ARHGEF26: variants seen among roughly 807,000 people sequenced by gnomAD.
ARHGEF26 encodes Rho guanine nucleotide exchange factor (GEF) 26.
In ARHGEF26, 59 loss-of-function variants were observed where a neutral mutation model predicts 89.4. The ratio of observed to expected loss-of-function variants is 0.66; its 90% CI spans 0.54 to 0.82. The LOEUF (loss-of-function observed/expected upper bound fraction) is 0.82. ARHGEF26 is among the 40% of genes least tolerant of loss of function. The pLI is 0.00. For missense variants in ARHGEF26, 1,234 were observed against 1,085.6 expected, an observed-to-expected ratio of 1.14 and a Z score of -1.92; for synonymous variants, 500 against 428.4, an observed-to-expected ratio of 1.17 and a Z score of -2.06.
At chr3:154,251,877 C>T (rs890413565) in intron 12 of ARHGEF26, among the ~76,000 whole-genome samples, 1 of 152,094 alleles carries the variant, frequency 6.6e-6, no homozygotes, top group Non-Finnish European at 1.5e-5. Context: ...ATGCCTGGCG[C>T]ATCTGTGTCT....
chr3:154,179,654 A>T (rs1385326990), intron 6 of ARHGEF26, among the ~76,000 whole-genome samples: 2 of 152,186 alleles, frequency 1.3e-5, no homozygotes, highest in African/African-American at 4.8e-5. Flanking sequence ...TAGTCACTGA[A>T]AGAATGGGTA....
rs757313682 is a variant in ARHGEF26, at chr3:154,122,877, G to A, written c.885G>A (p.Glu295=). The part of the protein sequence containing the change: ...LGGPLGHAGE[E]SEVDNDVDSP... The stretch of plus-strand genomic sequence containing the variant: ...GACCCCTGGGTCACGCAGGGGAGGA[G>A]AGTGAGGTCGATAACGACGTGGATA... The change falls in exon 2 of 15, where the codon GAG becomes GAA. Residue 295 remains glutamate (E), a synonymous_variant. Transcript: ENST00000465093. 2.5e-6 allele frequency: 4 copies of A among 1,612,958 alleles called. No individual in the cohort carries two copies. The South Asian group carries it at 4.4e-5, about 18-fold the overall frequency.
chr3:154,213,233 G>A (rs1417515684), intron 9 of ARHGEF26, among the ~76,000 whole-genome samples: 8 of 144,916 alleles, frequency 5.5e-5, no homozygotes, highest in Non-Finnish European at 1.2e-4. Flanking sequence ...GTGTGTGTGT[G>A]TGTGTGTGTA....
At chr3:154,144,852 A>T (rs577949589) in intron 4 of ARHGEF26, among the ~76,000 whole-genome samples, 2 of 152,326 alleles carry the variant, frequency 1.3e-5, no homozygotes, top group South Asian at 4.1e-4. Flanking sequence ...TTTTGAACAA[A>T]TTAATTTGGA....
Position 154,194,641 on chromosome 3 carries a change from C to G in ARHGEF26, c.1771-3C>G. On this transcript the variant is annotated splice_polypyrimidine_tract_variant and splice_region_variant and intron_variant, in intron 8 of 14. Coordinates refer to ENST00000465093, the MANE Select transcript of ARHGEF26 (RefSeq NM_015595.4). ...AATTTTGTTCACTTTTATTTCATTA[C>G]AGACTATCTGTCAAAAAACACCTAA... 3 of 1,606,376 alleles carry G rather than the reference C, an allele frequency of 1.9e-6. No individual in the cohort carries two copies. The highest frequency in any genetic ancestry group is 2.2e-5 in the East Asian group (1 of 44,742).
At chr3:154,167,008 G>A (rs1397944993) in intron 6 of ARHGEF26, among the ~76,000 whole-genome samples, 1 of 152,124 alleles carries the variant, frequency 6.6e-6, no homozygotes, top group Non-Finnish European at 1.5e-5. Context: ...AACAGCCAGA[G>A]TCTTAAGAAT....
At chr3:154,245,209 G>A (rs1235043249) in intron 12 of ARHGEF26, among the ~76,000 whole-genome samples, 1 of 151,994 alleles carries the variant, frequency 6.6e-6, no homozygotes, top group Non-Finnish European at 1.5e-5. Context: ...TTTATTGTTA[G>A]TAGAGACGGG....
intron 6 of ARHGEF26, among the ~76,000 whole-genome samples, chr3:154,168,974 G>A (rs1374356940): frequency 6.6e-6 from 1 of 151,104 alleles, no homozygotes; most frequent in Non-Finnish European, 1.5e-5. Flanking sequence ...ATAGTTCTAT[G>A]AAGACTGTAG....
chr3:154,207,260 C>G (rs1715079464), intron 9 of ARHGEF26, among the ~76,000 whole-genome samples: 1 of 152,098 alleles, frequency 6.6e-6, no homozygotes, highest in Non-Finnish European at 1.5e-5. Flanking sequence ...CAAATGAGAT[C>G]TAATTAAACT....
chr3:154,244,790 T>C (rs1717697560), intron 12 of ARHGEF26, among the ~76,000 whole-genome samples: 4 of 152,088 alleles, frequency 2.6e-5, no homozygotes, highest in African/African-American at 9.7e-5. Flanking sequence ...ATACAGGAAG[T>C]GAGTTATTGC....
intron 9 of ARHGEF26, among the ~76,000 whole-genome samples, chr3:154,210,784 A>C (rs866506099): frequency 6.6e-6 from 1 of 151,614 alleles, no homozygotes; most frequent in African/African-American, 2.4e-5. Flanking sequence ...TCTACTAAAA[A>C]TACAAAAAAT....
In ARHGEF26 at chr3:154,139,781, A is replaced by G. The variant is rs1173972979; in HGVS notation, c.1270-9608A>G. On this transcript the variant is annotated intron_variant, in intron 4 of 14. Transcript: ENST00000465093. Reference sequence around the variant, plus strand: ...TTGTGGATTTATCTGGAGCACATATAGCCTGTTAATTCTCTAGATTATTAG... The same window carrying G: ...TTGTGGATTTATCTGGAGCACATATGGCCTGTTAATTCTCTAGATTATTAG... Among the ~76,000 whole-genome samples, 6 of 152,332 alleles carry G rather than the reference A, an allele frequency of 3.9e-5. No homozygotes were observed. In the South Asian group the frequency reaches 6.2e-4, roughly 16 times the overall value.
intron 10 of ARHGEF26, among the ~76,000 whole-genome samples, chr3:154,221,143 A>G (rs927528388): frequency 1.4e-5 from 2 of 144,502 alleles, no homozygotes; most frequent in Non-Finnish European, 3.1e-5. Context: ...CTGTTGTGTA[A>G]AACAAAAAAA....
chr3:154,219,897 G>A (rs901285061), intron 10 of ARHGEF26, among the ~76,000 whole-genome samples: 5 of 151,022 alleles, frequency 3.3e-5, no homozygotes, highest in Non-Finnish European at 5.9e-5. Flanking sequence ...CTGGGCGACA[G>A]AGCGAGACTC....
chr3:154,125,924 G>A (rs1229850150), intron 3 of ARHGEF26, among the ~76,000 whole-genome samples: 3 of 152,066 alleles, frequency 2.0e-5, no homozygotes, highest in African/African-American at 7.2e-5. Context: ...TTCCTGTCTT[G>A]CTGTTCCTGT....
Position 154,122,336 on chromosome 3 carries a change from A to G in ARHGEF26, c.344A>G (p.Lys115Arg), listed in dbSNP as rs911797275. The G allele has an allele frequency of 1.9e-6, 3 of 1,612,536 alleles. No individual in the cohort carries two copies. The African/African-American group carries it at 4.0e-5, about 22-fold the overall frequency. Residue 115 changes from lysine to arginine, a missense_variant, in exon 2 of 15, where the codon AAG (lysine) becomes AGG (arginine). By Grantham distance (26) the Lys-to-Arg change is conservative. Transcript: ENST00000465093. ...SPRLRRPKSP[K>R]LPKAVPGGSP... ...CGACTTCGACGGCCCAAGTCACCCA[A>G]GCTCCCCAAAGCGGTGCCTGGCGGC... is the stretch of plus-strand genomic sequence containing the variant.
chr3:154,234,912 C>CCCA (rs1553750974), intron 11 of ARHGEF26, among the ~76,000 whole-genome samples: 2 of 152,118 alleles, frequency 1.3e-5, no homozygotes, highest in Non-Finnish European at 2.9e-5. Context: ...ACTACAGGCG[C>CCCA]TCACCACCGC....
chr3:154,146,057 CT>C (rs1261008677), intron 4 of ARHGEF26, among the ~76,000 whole-genome samples: 1 of 151,978 alleles, frequency 6.6e-6, no homozygotes, highest in African/African-American at 2.4e-5. Flanking sequence ...TTAGTTTGGG[CT>C]GCCATAACAA....
chr3:154,128,600 C>T (rs1345284894), intron 3 of ARHGEF26, among the ~76,000 whole-genome samples: 1 of 152,180 alleles, frequency 6.6e-6, no homozygotes, highest in African/African-American at 2.4e-5. Flanking sequence ...ATGCAGTCCT[C>T]CTTGCTGCTC....
Sources: allele counts gnomAD v4.1 joint callset (sites outside exome capture counted in the v4.1 genomes callset), GRCh38; gene constraint gnomAD v4.1.1; transcripts MANE v1.5; gene names NCBI Gene and HGNC (gene_info 2026-07-23, HGNC 2026-07-21).